Variants in MRPS2 observed in about 807,000 individuals in gnomAD.
MRPS2 encodes the protein mitochondrial ribosomal protein S2.
MRPS2 carries 13 observed loss-of-function variants against 18.9 expected under a neutral mutation model. The observed-to-expected ratio is 0.69, with a 90% CI of 0.45 to 1.09. The LOEUF (loss-of-function observed/expected upper bound fraction) is 1.09. MRPS2 is among the 50% of genes least tolerant of loss of function. MRPS2 has a pLI of 0.00. For synonymous variants in MRPS2, 186 were observed against 178.4 expected, an observed-to-expected ratio of 1.04 and a Z score of -0.34; for missense variants, 389 against 421.7, an observed-to-expected ratio of 0.92 and a Z score of 0.68.
chr9:135,500,688 T>TC lies in MRPS2; in HGVS notation c.-22dup. On this transcript the variant is annotated 5_prime_UTR_variant, in exon 1 of 4. Transcript: ENST00000241600. Reference sequence around the variant, plus strand: ...GCTCGGCCTGGCCTGGAGGGAGACCTCGCTCTGCCCCGCGTCCCAGCCATG... The same window carrying TC: ...GCTCGGCCTGGCCTGGAGGGAGACCTCCGCTCTGCCCCGCGTCCCAGCCATG... 4 of 1,459,016 alleles carry TC rather than the reference T, an allele frequency of 2.7e-6. No homozygotes were observed. The highest frequency in any genetic ancestry group is 3.6e-6 in the Non-Finnish European group (4 of 1,113,280). 90.4% of individuals were successfully genotyped at this position (1,459,016 alleles called of 1,614,324 possible).
intron 2 of MRPS2, chr9:135,501,393 A>C (rs1213013329): frequency 1.6e-6 from 2 of 1,278,444 alleles, no homozygotes; most frequent in African/African-American, 3.1e-5. Flanking sequence ...TCACTGGACC[A>C]CCGAGGCCCG....
At position 135,504,479 on chromosome 9, in the gene MRPS2, G is replaced by C. The variant is rs1831245833; in HGVS notation, c.*346G>C. 1 of 271,466 alleles carries C rather than the reference G, an allele frequency of 3.7e-6. No individual in the cohort carries two copies. The highest frequency in any genetic ancestry group is 4.9e-5 in the Admixed American group (1 of 20,510). 16.8% of individuals were successfully genotyped at this position (271,466 alleles called of 1,614,324 possible). ...CACCGTGACCCCTGACCTTTGTCAG[G>C]AAGGTGCAGTTTTTCTTCTCAATCT... On this transcript the variant is annotated 3_prime_UTR_variant, in exon 4 of 4. Coordinates refer to ENST00000241600, the MANE Select transcript of MRPS2 (RefSeq NM_016034.5). This position sits in a 1 kb window ranked among gnomAD's most constrained non-coding sequence, Gnocchi z 4.3.
intron 3 of MRPS2, chr9:135,503,144 G>T (rs1013242116): frequency 1.9e-6 from 2 of 1,054,284 alleles, no homozygotes; most frequent in Non-Finnish European, 2.3e-6. Context: ...AGAGCACCCC[G>T]CTAAGTCCAA....
Position 135,503,845 on chromosome 9 carries a change from C to T in MRPS2, c.603C>T (p.Asn201=), listed in dbSNP as rs1350129917. Reference sequence around the variant, plus strand: ...TCATCTTCCTGCACACGCTCAACAACATCTTTGAGCCACACGTGGCCGTGA... The same window carrying T: ...TCATCTTCCTGCACACGCTCAACAATATCTTTGAGCCACACGTGGCCGTGA... The part of the protein sequence containing the change: ...DLIIFLHTLN[N]IFEPHVAVRD... The change falls in exon 4 of 4, where the codon AAC becomes AAT. Residue 201 remains asparagine (N), a synonymous_variant. Transcript: ENST00000241600. 7 of 1,613,876 alleles carry T rather than the reference C, an allele frequency of 4.3e-6. No individual in the cohort carries two copies. Among genetic ancestry groups the T allele is most frequent in the Non-Finnish European group, 5.9e-6 (7 of 1,180,050 alleles).
rs55782511 is a variant in MRPS2, at chr9:135,504,439, C to T, written c.*306C>T. On this transcript the variant is annotated 3_prime_UTR_variant, in exon 4 of 4. Coordinates refer to ENST00000241600, the MANE Select transcript of MRPS2 (RefSeq NM_016034.5). The surrounding 1 kb of genome is among the most constrained non-coding windows in gnomAD (Gnocchi z 4.3). ...GAAGATGCTGCTGTCCCTGTGATCC[C>T]AGCAGCCCTCCCTTCACCGTGACCC... The T allele has an allele frequency of 9.0e-3, 3,724 of 413,136 alleles. 115 individuals are homozygous for T. Among genetic ancestry groups the T allele is most frequent in the African/African-American group, 0.068 (3,344 of 49,336 alleles). The allele number at this position is 413,136 out of a possible 1,614,324, so 25.6% of individuals were successfully genotyped here. A position where few individuals can be genotyped will look rare whatever the true frequency, so the allele number is the denominator to read the frequency against.
intron 3 of MRPS2, chr9:135,503,200 C>T (rs556357938): frequency 1.2e-5 from 13 of 1,116,684 alleles, no homozygotes; most frequent in African/African-American, 8.2e-5. Flanking sequence ...AGGACAGTGA[C>T]GGAGGCGGCT....
chr9:135,502,268 T>G, intron 3 of MRPS2: 1 of 1,209,150 alleles, frequency 8.3e-7, no homozygotes, highest in South Asian at 1.9e-5. Flanking sequence ...ACCTGTAAGG[T>G]TGGTCCCCCC....
rs912592865 is a variant in MRPS2, at chr9:135,504,133, A to G, written c.891A>G (p.Ter297TrpextTer71). Residue 297 changes from the stop codon to tryptophan, a stop_lost, in exon 4 of 4, where the codon TGA becomes TGG. Transcript: ENST00000241600. The surrounding 1 kb of genome is among the most constrained non-coding windows in gnomAD (Gnocchi z 4.3). ...GGGCTGACATGAGCCATTCCCTGTG[A>G]TGTTCACTCTCCTCCCAAAGCAAAC... Reference protein sequence around the residue: ...PPGADMSHSL* With the variant: ...PPGADMSHSLW The G allele has an allele frequency of 3.8e-6, 6 of 1,591,952 alleles. No homozygotes were observed. The highest frequency in any genetic ancestry group is 5.1e-6 in the Non-Finnish European group (6 of 1,172,108).
rs778779211 is a variant in MRPS2 at position 135,500,992 on chromosome 9, C to A, written c.44-6C>A. 8 of 1,611,678 alleles carry A rather than the reference C, an allele frequency of 5.0e-6. No homozygotes were observed. Among genetic ancestry groups the A allele is most frequent in the Non-Finnish European group, 5.9e-6 (7 of 1,179,544 alleles). On this transcript the variant is annotated splice_polypyrimidine_tract_variant and splice_region_variant and intron_variant, in intron 1 of 3. Coordinates refer to ENST00000241600, the MANE Select transcript of MRPS2 (RefSeq NM_016034.5). ...GGCGCCAGGACCTCTATCTACTTCC[C>A]CCCAGGTGCCCGGGCCCCGTCGCGC...
chr9:135,501,256 C>A, intron 2 of MRPS2, 133 bp downstream of exon 2: 2 of 1,432,668 alleles, frequency 1.4e-6, no homozygotes, highest in Middle Eastern at 2.6e-4. Flanking sequence ...CTCCCACTCC[C>A]GTGCTCGCCG....
chr9:135,501,233 C>A (rs1831120903), intron 2 of MRPS2, 110 bp downstream of exon 2: 1 of 1,445,460 alleles, frequency 6.9e-7, no homozygotes. Flanking sequence ...AAACTGCGCG[C>A]TCCGCTGGGC....
chr9:135,500,056 GA>G, upstream of MRPS2: 2 of 598,640 alleles, frequency 3.3e-6, no homozygotes, highest in Non-Finnish European at 5.5e-6. Flanking sequence ...ACCGTCGTGT[GA>G]GGCAGCCCCA....
chr9:135,504,385 C>A lies in MRPS2; in HGVS notation c.*252C>A. The A allele has an allele frequency of 1.9e-6, 1 of 538,262 alleles. No individual in the cohort carries two copies. Among genetic ancestry groups the A allele is most frequent in the Non-Finnish European group, 3.3e-6 (1 of 304,788 alleles). 33.3% of individuals were successfully genotyped at this position (538,262 alleles called of 1,614,324 possible). A position where few individuals can be genotyped will look rare whatever the true frequency, so the allele number is the denominator to read the frequency against. On this transcript the variant is annotated 3_prime_UTR_variant, in exon 4 of 4. Coordinates refer to ENST00000241600, the MANE Select transcript of MRPS2 (RefSeq NM_016034.5). This position sits in a 1 kb window ranked among gnomAD's most constrained non-coding sequence, Gnocchi z 4.3. The stretch of plus-strand genomic sequence containing the variant: ...AACGGCCCCTTGGCTGCAGTTAGGA[C>A]CTCAGTGGCTGGTATGGCCAAGCTG...
chr9:135,500,635 C>T (rs1831087495), upstream of MRPS2: 6 of 1,382,950 alleles, frequency 4.3e-6, no homozygotes, highest in Non-Finnish European at 5.6e-6. Flanking sequence ...ACTGCGGCCC[C>T]GCGCGGATGG....
chr9:135,503,773 C>A lies in MRPS2; in HGVS notation c.531C>A (p.Thr177=). The part of the protein sequence containing the change: ...HTRYFRGGML[T]NARLLFGPTV... ...GCTACTTCAGGGGCGGCATGCTGAC[C>A]AACGCGCGCCTCCTCTTTGGCCCCA... Residue 177 remains threonine, a synonymous_variant, in exon 4 of 4, where the codon ACC becomes ACA. Transcript: ENST00000241600. 6.2e-7 allele frequency: 1 copy of A among 1,612,858 alleles called. No individual in the cohort carries two copies. The highest frequency in any genetic ancestry group is 1.1e-5 in the South Asian group (1 of 91,080).
chr9:135,501,109 C>A lies in MRPS2; in HGVS notation c.155C>A (p.Ser52Ter). ...GSATALMIRE[S>*]EDSTDFNDKI... ...GCGACGGCCCTTATGATCCGCGAGT[C>A]GGAGGACAGCACCGGTAACACTGGG... is the stretch of plus-strand genomic sequence containing the variant. Residue 52 changes from serine (S) to a stop codon, truncating the protein, a stop_gained, in exon 2 of 4, where the codon TCG becomes TAG. Transcript: ENST00000241600. LOFTEE classifies it high-confidence loss of function. 1 of 1,599,072 alleles carries A rather than the reference C, an allele frequency of 6.3e-7. No individual in the cohort carries two copies. Among genetic ancestry groups the A allele is most frequent in the South Asian group, 1.1e-5 (1 of 89,708 alleles).
intron 2 of MRPS2, 156 bp downstream of exon 2, chr9:135,501,279 G>A: frequency 7.0e-7 from 1 of 1,432,446 alleles, no homozygotes; most frequent in Non-Finnish European, 9.1e-7. Context: ...GCTCGGTCCT[G>A]CCTGACGTAG....
intron 2 of MRPS2, 130 bp downstream of exon 2, chr9:135,501,253 TCCCGTGCTC>T: frequency 7.0e-7 from 1 of 1,432,514 alleles, no homozygotes; most frequent in Non-Finnish European, 9.1e-7. Context: ...CTCCTCCCAC[TCCCGTGCTC>T]GCCGCCGCTC....
At chr9:135,500,168 AC>A, upstream of MRPS2, 1 of 400,666 alleles carries the variant, frequency 2.5e-6, no homozygotes, top group East Asian at 4.9e-5. Context: ...CAGCCGGGTG[AC>A]GGGGTTTAAG....
Sources: allele counts gnomAD v4.1 joint callset, GRCh38; gene constraint gnomAD v4.1.1; non-coding constraint Gnocchi (gnomAD v3.1); transcripts MANE v1.5; gene names NCBI Gene and HGNC (gene_info 2026-07-23, HGNC 2026-07-21).